The following MAP3K5 variants were observed in gnomAD, a reference collection of about 807,000 sequenced individuals.
MAP3K5 encodes ASK-1.
A neutral mutation model predicts 158.7 loss-of-function variants in MAP3K5; 56 were observed. The observed-to-expected ratio is 0.35, with a 90% CI of 0.28 to 0.44. The LOEUF (loss-of-function observed/expected upper bound fraction) is 0.44, where lower values mean the gene tolerates loss of function less well. Ranked by LOEUF, MAP3K5 falls within the 20% of genes least tolerant of loss-of-function variation. MAP3K5 has a pLI of 1.00. For synonymous variants in MAP3K5, 579 were observed against 601.7 expected (o/e 0.96, Z 0.55); for missense variants, 1,294 against 1,674.8 (o/e 0.77, Z 3.97).
At position 136,690,849 on chromosome 6, in the gene MAP3K5, T is replaced by TA. The variant is rs145464933; in HGVS notation, c.1253+3290dup. Among the ~76,000 whole-genome samples, 1,390 of 152,308 alleles carry TA rather than the reference T, an allele frequency of 9.1e-3. 24 individuals carry two copies. The highest frequency in any genetic ancestry group is 0.036 in the East Asian group (187 of 5,190). On this transcript the variant is annotated intron_variant, in intron 7 of 29. Coordinates refer to ENST00000359015, the MANE Select transcript of MAP3K5 (RefSeq NM_005923.4). Reference sequence around the variant, plus strand: ...CATTTGGTTTTATTTCCCTTCAGCCTAAAGACTTTAACATTTCTTGTAGTG... The same window carrying TA: ...CATTTGGTTTTATTTCCCTTCAGCCTAAAAGACTTTAACATTTCTTGTAGTG...
chr6:136,658,309 C>CTTTTTTTTTTTTTT (rs1352808549), intron 9 of MAP3K5, among the ~76,000 whole-genome samples: 2 of 75,668 alleles, frequency 2.6e-5, no homozygotes, highest in African/African-American at 8.0e-5. Context: ...TTCTTTCTTT[C>CTTTTTTTTTTTTTT]TTTCTTTTTT....
chr6:136,627,682 G>A (rs956647405), intron 14 of MAP3K5, among the ~76,000 whole-genome samples: 1 of 152,190 alleles, frequency 6.6e-6, no homozygotes, highest in African/African-American at 2.4e-5. Context: ...ACCCACAGAA[G>A]GTACCATCTA....
At chr6:136,562,340 C>T (rs1042247845) in intron 27 of MAP3K5, among the ~76,000 whole-genome samples, 163 bp downstream of exon 27, 1 of 151,826 alleles carries the variant, frequency 6.6e-6, no homozygotes, top group East Asian at 1.9e-4. Flanking sequence ...GAGTTTGCTA[C>T]AGTTAAAAAC....
chr6:136,690,109 T>C (rs150004757), intron 7 of MAP3K5, among the ~76,000 whole-genome samples: 1 of 152,134 alleles, frequency 6.6e-6, no homozygotes, highest in African/African-American at 2.4e-5. Context: ...ATTTTTAATA[T>C]ACTTGAAATT....
intron 13 of MAP3K5, 36 bp downstream of exon 13, chr6:136,639,504 TAAG>T: frequency 3.5e-6 from 4 of 1,147,010 alleles, no homozygotes; most frequent in Non-Finnish European, 5.1e-6. Flanking sequence ...AATGATCAGG[TAAG>T]AAGAATCTTT....
In MAP3K5 at chr6:136,561,623, A is replaced by G. The variant is rs1459946463; in HGVS notation, c.3897T>C (p.Phe1299=). ...TATTTGTGCCAGAAGAATTTAGATG[A>G]AATACAGGCAATTCAGGAATTTCTA... ...QPIEIPELPV[F]HLNSSGTNTE... Residue 1299 remains phenylalanine (F), a synonymous_variant, in exon 28 of 30, where the codon TTT becomes TTC. Transcript: ENST00000359015. 6.2e-7 allele frequency: 1 copy of G among 1,610,062 alleles called. No individual in the cohort carries two copies. The highest frequency in any genetic ancestry group is 1.3e-5 in the African/African-American group (1 of 74,962).
chr6:136,779,821 C>G (rs1044250283), intron 1 of MAP3K5, among the ~76,000 whole-genome samples: 2 of 152,180 alleles, frequency 1.3e-5, no homozygotes, highest in Non-Finnish European at 2.9e-5. Flanking sequence ...CATCCAAAAC[C>G]TAGAGGACTG....
intron 10 of MAP3K5, among the ~76,000 whole-genome samples, chr6:136,653,795 G>A (rs995661376): frequency 2.6e-5 from 4 of 152,136 alleles, no homozygotes; most frequent in African/African-American, 7.2e-5. Flanking sequence ...GAGCTTCTTG[G>A]TAGACTGGCA....
chr6:136,712,679 G>A (rs1937391199), intron 2 of MAP3K5, among the ~76,000 whole-genome samples: 1 of 152,192 alleles, frequency 6.6e-6, no homozygotes, highest in Admixed American at 6.5e-5. Context: ...TGGTTTGGCT[G>A]TGTCCCCACC....
chr6:136,563,630 T>A (rs888478500), intron 26 of MAP3K5, among the ~76,000 whole-genome samples: 1 of 152,198 alleles, frequency 6.6e-6, no homozygotes, highest in Non-Finnish European at 1.5e-5. Flanking sequence ...GTGATATTCA[T>A]ACCAAAGTTC....
chr6:136,610,377 G>A (rs1776278565), intron 18 of MAP3K5, among the ~76,000 whole-genome samples: 1 of 152,036 alleles, frequency 6.6e-6, no homozygotes, highest in Non-Finnish European at 1.5e-5. Flanking sequence ...CAGCTCAGTG[G>A]TTGCGTTGCC....
intron 2 of MAP3K5, among the ~76,000 whole-genome samples, chr6:136,710,471 C>T (rs1781261357): frequency 6.6e-6 from 1 of 151,772 alleles, no homozygotes; most frequent in Non-Finnish European, 1.5e-5. Context: ...TGGTTGATAA[C>T]CAATTAAGGG....
chr6:136,581,557 C>A (rs1228317390), intron 24 of MAP3K5, among the ~76,000 whole-genome samples: 1 of 152,216 alleles, frequency 6.6e-6, no homozygotes, highest in East Asian at 1.9e-4. Context: ...ACCATCCCTA[C>A]TGCAGCTGGG....
At chr6:136,744,222 A>T (rs960246297) in intron 1 of MAP3K5, among the ~76,000 whole-genome samples, 1 of 152,138 alleles carries the variant, frequency 6.6e-6, no homozygotes, top group Non-Finnish European at 1.5e-5. Context: ...GCACCACTCT[A>T]GATCAGTATA....
At chr6:136,590,797 C>T (rs1380431073) in intron 23 of MAP3K5, among the ~76,000 whole-genome samples, 1 of 152,156 alleles carries the variant, frequency 6.6e-6, no homozygotes, top group Non-Finnish European at 1.5e-5. Context: ...GCCTCAGCCT[C>T]CCAAAGTGCT....
chr6:136,777,601 A>C (rs1409823210), intron 1 of MAP3K5, among the ~76,000 whole-genome samples: 1 of 152,248 alleles, frequency 6.6e-6, no homozygotes, highest in East Asian at 1.9e-4. Context: ...CAGAAATGTT[A>C]CATAAATGTT....
intron 13 of MAP3K5, among the ~76,000 whole-genome samples, chr6:136,638,669 T>C (rs1467353187): frequency 6.6e-6 from 1 of 152,168 alleles, no homozygotes; most frequent in East Asian, 1.9e-4. Flanking sequence ...AGTGTTTTTT[T>C]TTCCCCCACC....
chr6:136,648,428 T>C (rs544302998), intron 11 of MAP3K5, among the ~76,000 whole-genome samples: 271 of 152,300 alleles, frequency 1.8e-3, no homozygotes, highest in Non-Finnish European at 3.3e-3. Flanking sequence ...AAACTGGGAT[T>C]GGAGAAAGAC....
intron 1 of MAP3K5, among the ~76,000 whole-genome samples, chr6:136,731,156 T>A (rs1582601110): frequency 6.6e-6 from 1 of 152,014 alleles, no homozygotes; most frequent in Admixed American, 6.6e-5. Flanking sequence ...CTTGAAGGGG[T>A]CTTCTGGGGT....
Sources: allele counts gnomAD v4.1 joint callset (sites outside exome capture counted in the v4.1 genomes callset), GRCh38; gene constraint gnomAD v4.1.1; transcripts MANE v1.5; gene names NCBI Gene and HGNC (gene_info 2026-07-23, HGNC 2026-07-21).